The following SLC4A2 variants were observed in gnomAD, a reference collection of about 807,000 sequenced individuals.
SLC4A2 encodes solute carrier family 4 member 2.
In SLC4A2, 36 loss-of-function variants were observed where a neutral mutation model predicts 115.0. The ratio of observed to expected loss-of-function variants is 0.31; its 90% CI spans 0.24 to 0.41. The LOEUF (loss-of-function observed/expected upper bound fraction) is 0.41. SLC4A2 is among the 10% of genes least tolerant of loss of function. The probability of loss-of-function intolerance (pLI) is 1.00; values close to 1 mark genes in which losing one functional copy is unlikely to be tolerated. For missense variants in SLC4A2, 1,252 were observed against 1,705.6 expected (o/e 0.73, Z 4.68); for synonymous variants, 708 against 708.3 (o/e 1.00, Z 0.01).
In SLC4A2 at chr7:151,070,267, A is replaced by G. The variant is rs1797385364; in HGVS notation, c.1370A>G (p.Gln457Arg). ...TCCCTGCTGGGGCATCACCATGGTC[A>G]GGGGGCTGAGAGTGACCCCCACGTC... is the stretch of plus-strand genomic sequence containing the variant. ...LGSLLGHHHG[Q>R]GAESDPHVTE... Residue 457 changes from glutamine to arginine, a missense_variant, in exon 10 of 23, where the codon CAG becomes CGG. Transcript: ENST00000413384. The G allele has an allele frequency of 6.2e-7, 1 of 1,613,838 alleles. No individual in the cohort carries two copies. Among genetic ancestry groups the G allele is most frequent in the Admixed American group, 1.7e-5 (1 of 60,010 alleles).
Position 151,071,909 on chromosome 7 carries a change from C to G in SLC4A2, c.2341-33C>G. The stretch of plus-strand genomic sequence containing the variant: ...GACACCTCCCCACAGCATCCCCACC[C>G]AGAGCTCAGGACCTGACTGCCCCTC... On this transcript the variant is annotated intron_variant, in intron 15 of 22. Coordinates refer to ENST00000413384, the MANE Select transcript of SLC4A2 (RefSeq NM_003040.4). This position sits in a 1 kb window ranked among gnomAD's most constrained non-coding sequence, Gnocchi z 5.5. 1 of 1,610,066 alleles carries G rather than the reference C, an allele frequency of 6.2e-7. No homozygotes were observed. The highest frequency in any genetic ancestry group is 8.5e-7 in the Non-Finnish European group (1 of 1,176,818).
chr7:151,070,199 G>A lies in SLC4A2; in HGVS notation c.1302G>A (p.Lys434=). 1.2e-6 allele frequency: 2 copies of A among 1,614,162 alleles called. No homozygotes were observed. Among genetic ancestry groups the A allele is most frequent in the African/African-American group, 1.3e-5 (1 of 75,076 alleles). The change falls in exon 10 of 23, where the codon AAG becomes AAA. Residue 434 remains lysine (K), a synonymous_variant. Transcript: ENST00000413384. ...CCACCAGCCACCCAAGTGATGAGAAGGACTTCTCCTTCCCCCGCAACATCT... is the reference window on the plus strand; with the variant it reads ...CCACCAGCCACCCAAGTGATGAGAAAGACTTCTCCTTCCCCCGCAACATCT... ...LLKHSHPSDE[K]DFSFPRNISA... is the part of the protein sequence containing the mutation.
intron 2 of SLC4A2, chr7:151,062,399 A>G: frequency 1.4e-6 from 1 of 704,784 alleles, no homozygotes; most frequent in East Asian, 2.9e-5. Context: ...TTCTGGGCGG[A>G]GCTCGCCTGC....
chr7:151,068,471 C>T (rs7807812), intron 8 of SLC4A2, among the ~76,000 whole-genome samples: 21,941 of 152,042 alleles, frequency 0.14, 3,285 homozygotes, highest in African/African-American at 0.38. Flanking sequence ...TGTTAAAAGG[C>T]CTGTTTCTAA....
At chr7:151,074,529 CCA>C in intron 18 of SLC4A2, 41 bp downstream of exon 18, 2 of 1,604,904 alleles carry the variant, frequency 1.2e-6, no homozygotes, top group South Asian at 2.2e-5. Context: ...GCTGCCTCTG[CCA>C]CCCCGGGTCT....
intron 7 of SLC4A2, 79 bp from the exon 8 acceptor site, chr7:151,067,795 G>A (rs868476142): frequency 2.3e-6 from 3 of 1,292,626 alleles, no homozygotes; most frequent in Non-Finnish European, 3.3e-6. Context: ...GGCTCCCTCT[G>A]ACACCACTCA....
chr7:151,069,140 C>CAAAACAAAAAAAAAAA, intron 8 of SLC4A2, among the ~76,000 whole-genome samples: 1 of 40,950 alleles, frequency 2.4e-5, no homozygotes, highest in Non-Finnish European at 4.2e-5. Context: ...CTCTTATCAC[C>CAAAACAAAAAAAAAAA]AAAAAAAAAA....
chr7:151,069,882 A>G lies in SLC4A2; in HGVS notation c.1148-65A>G. 3 of 1,602,806 alleles carry G rather than the reference A, an allele frequency of 1.9e-6. No individual in the cohort carries two copies. The East Asian group carries it at 6.7e-5, about 36-fold the overall frequency. On this transcript the variant is annotated intron_variant, in intron 8 of 22. Coordinates refer to ENST00000413384, the MANE Select transcript of SLC4A2 (RefSeq NM_003040.4). ...CACCTGTCCCCAGCTCCTGCTCCCC[A>G]TCCCATCTCCTGCCACTGTTTTGTG...
rs761567230 is a variant in SLC4A2, at chr7:151,067,031, C to T, written c.966+38C>T. 3.2e-6 allele frequency: 5 copies of T among 1,544,562 alleles called. No individual in the cohort carries two copies. The South Asian group carries it at 6.2e-5, about 19-fold the overall frequency. On this transcript the variant is annotated intron_variant, in intron 7 of 22. Transcript: ENST00000413384. ...GCTTCATGCTCTTCCATCAACTTCC[C>T]ACACGACCCTGCCCCTACCTCTCAG...
intron 11 of SLC4A2, 65 bp downstream of exon 11, chr7:151,070,636 T>A: frequency 6.3e-7 from 1 of 1,598,774 alleles, no homozygotes; most frequent in Non-Finnish European, 8.6e-7. Context: ...TCCTGTAGTC[T>A]CCCTGGCCCT....
At position 151,064,230 on chromosome 7, in the gene SLC4A2, C is replaced by T. The variant is rs766002195; in HGVS notation, c.80C>T (p.Thr27Met). ...TPEPESLGPG[T>M]PGFPEQEEDE... ...GAGCCAGAGAGCTTGGGCCCTGGGA[C>T]GCCTGGGTTCCCCGAGCAGGAGGAA... The change falls in exon 3 of 23, where the codon ACG becomes ATG. Residue 27 changes from threonine (T) to methionine (M), a missense_variant. Transcript: ENST00000413384. 14 of 1,612,404 alleles carry T rather than the reference C, an allele frequency of 8.7e-6. No individual in the cohort carries two copies. The highest frequency in any genetic ancestry group is 2.2e-5 in the East Asian group (1 of 44,876).
intron 19 of SLC4A2, 126 bp from the exon 20 acceptor site, chr7:151,075,129 C>T (rs544484563): frequency 1.2e-4 from 162 of 1,315,120 alleles, no homozygotes; most frequent in Non-Finnish European, 1.5e-4. Flanking sequence ...TGAATCCTGA[C>T]GGAATGGACA....
At chr7:151,063,211 T>C in intron 2 of SLC4A2, 5 of 92,838 alleles carry the variant, frequency 5.4e-5, no homozygotes, top group Non-Finnish European at 8.3e-5. Flanking sequence ...GGGGGTGGGG[T>C]GAGGGGTGGG....
intron 21 of SLC4A2, 74 bp downstream of exon 21, chr7:151,075,849 G>A: frequency 6.7e-7 from 1 of 1,503,030 alleles, no homozygotes; most frequent in Non-Finnish European, 9.1e-7. Context: ...CTCTCCAGCT[G>A]CCCCCTCCCA....
In SLC4A2 at chr7:151,074,129, C is replaced by A. The variant is rs1311694397; in HGVS notation, c.2626C>A (p.Pro876Thr). 1.9e-6 allele frequency: 3 copies of A among 1,612,464 alleles called. No individual in the cohort carries two copies. The Admixed American group carries it at 5.0e-5, about 27-fold the overall frequency. ...GENMTWAGAR[P>T]TLGPGNRSLA... is the part of the protein sequence containing the mutation. ...GAACATGACATGGGCCGGGGCAAGA[C>A]CCACGCTGGGGCCGGGCAACAGGAG... The change falls in exon 17 of 23, where the codon CCC becomes ACC. Residue 876 changes from proline (P) to threonine (T), a missense_variant. By Grantham distance (38) the Pro-to-Thr change is conservative (BLOSUM62 -1). Around this residue, in one of 14 missense-constraint regions of SLC4A2, gnomAD observed 55 missense variants for 48.6 expected, o/e 1.13. Transcript: ENST00000413384.
rs1287018355 is a variant in SLC4A2 at position 151,071,086 on chromosome 7, A to C, written c.1764A>C (p.Ala588=). Residue 588 remains alanine (A), a synonymous_variant, in exon 13 of 23, where the codon GCA becomes GCC. Coordinates refer to ENST00000413384, the MANE Select transcript of SLC4A2 (RefSeq NM_003040.4). This position sits in a 1 kb window ranked among gnomAD's most constrained non-coding sequence, Gnocchi z 5.5. ...TGCTTTGGCAGCAATTCCACGAGGC[A>C]GCCTACCTGGCTGACGAGCGGGAGG... ...TLMSDKQFHE[A]AYLADEREDL... The C allele has an allele frequency of 2.5e-6, 4 of 1,612,660 alleles. No individual in the cohort carries two copies. The highest frequency in any genetic ancestry group is 3.4e-6 in the Non-Finnish European group (4 of 1,179,988).
chr7:151,074,389 GC>G lies in SLC4A2; in HGVS notation c.2791-7del, dbSNP rs754859873. 1.2e-6 allele frequency: 2 copies of G among 1,613,510 alleles called. No individual in the cohort carries two copies. ...TGGCAGGACTCTGAGCGCTGTGCCT[GC>G]CCACTCAGATCCGGCGGGTGATTGG... On this transcript the variant is annotated splice_polypyrimidine_tract_variant and intron_variant, in intron 17 of 22. Transcript: ENST00000413384.
Position 151,068,849 on chromosome 7 carries a change from C to T in SLC4A2, c.1147+795C>T, listed in dbSNP as rs866327741. 7.6e-4 allele frequency among the ~76,000 whole-genome samples: 115 copies of T among 151,032 alleles called. 1 individual carries two copies. The highest frequency in any genetic ancestry group is 2.0e-3 in the African/African-American group (83 of 41,230). On this transcript the variant is annotated intron_variant, in intron 8 of 22. Transcript: ENST00000413384. The stretch of plus-strand genomic sequence containing the variant: ...ATTAAATTAAAAAAAAAAAAGTAAA[C>T]GAAGCAGCTGCTGGGCGCGGTGGCT...
At chr7:151,076,248 C>T in intron 22 of SLC4A2, 39 bp from the exon 23 acceptor site, 5 of 1,591,530 alleles carry the variant, frequency 3.1e-6, no homozygotes, top group Non-Finnish European at 4.3e-6. Context: ...GGAAAGGCCC[C>T]CCCACTTCCC....
Sources: gnomAD v4.1 joint callset for allele counts (sites outside exome capture counted in the v4.1 genomes callset) on GRCh38, gnomAD v4.1.1 for gene constraint, gnomAD v4.1.1 regional missense constraint, Gnocchi (gnomAD v3.1) non-coding constraint, MANE v1.5 for transcripts, NCBI Gene and HGNC (gene_info 2026-07-23, HGNC 2026-07-21) for gene names.